The following CRLF2 variants were observed in gnomAD, a reference collection of about 807,000 sequenced individuals.
CRLF2 encodes cytokine receptor-like factor 2.
Under a neutral mutation model 38.7 loss-of-function variants are expected in CRLF2, and 41 were observed. The ratio of observed to expected loss-of-function variants is 1.06; its 90% CI spans 0.83 to 1.37. CRLF2 has a LOEUF of 1.37. Among genes scored for constraint, CRLF2 ranks in the 40% most tolerant of loss-of-function variants. The pLI is 0.00. For missense variants in CRLF2, 377 were observed against 322.2 expected (o/e 1.17, Z -1.30); for synonymous variants, 140 against 128.8 (o/e 1.09, Z -0.59).
chrX:1,212,519 C>G (rs1292768489), intron 1 of CRLF2, 37 bp downstream of exon 1: 5 of 1,533,812 alleles, frequency 3.3e-6, no homozygotes, highest in South Asian at 1.1e-5. Flanking sequence ...AAACCACAAA[C>G]CAAAATACAA....
chrX:1,206,039 A>C (rs2086685263), intron 3 of CRLF2, among the ~76,000 whole-genome samples: 1 of 151,950 alleles, frequency 6.6e-6, no homozygotes, highest in African/African-American at 2.4e-5. Flanking sequence ...GACTATCATG[A>C]GATTGCTTTT....
chrX:1,209,122 C>A (rs1176585551), intron 1 of CRLF2, among the ~76,000 whole-genome samples: 1 of 151,444 alleles, frequency 6.6e-6, no homozygotes, highest in Non-Finnish European at 1.5e-5. Context: ...CACCTGTCAC[C>A]ACACCTGGCT....
intron 5 of CRLF2, among the ~76,000 whole-genome samples, chrX:1,198,183 CCCAG>C (rs1434851648): frequency 2.6e-4 from 23 of 88,012 alleles, no homozygotes; most frequent in East Asian, 1.3e-3. Context: ...CCTCCCACCT[CCCAG>C]GAAGGCAGGA....
chrX:1,212,499 G>T, intron 1 of CRLF2, 57 bp downstream of exon 1: 1 of 1,207,952 alleles, frequency 8.3e-7, no homozygotes, highest in Non-Finnish European at 1.2e-6. Context: ...AGAGTGCCTG[G>T]TTGCAAAGCA....
intron 7 of CRLF2, among the ~76,000 whole-genome samples, chrX:1,191,825 C>G (rs2086386144): frequency 6.6e-6 from 1 of 152,016 alleles, no homozygotes; most frequent in African/African-American, 2.4e-5. Flanking sequence ...GCCACCGTGC[C>G]TGGCCCCCAA....
At chrX:1,201,870 A>T (rs181847881) in intron 4 of CRLF2, among the ~76,000 whole-genome samples, 1 of 151,998 alleles carries the variant, frequency 6.6e-6, no homozygotes, top group Non-Finnish European at 1.5e-5. Context: ...TAGAAGATTG[A>T]CCATACATAG....
chrX:1,206,667 G>T, intron 2 of CRLF2, 68 bp from the exon 3 acceptor site: 2 of 1,491,934 alleles, frequency 1.3e-6, no homozygotes, highest in Non-Finnish European at 9.3e-7. Flanking sequence ...TTAGAGATGG[G>T]GTCTTGCTCT....
intron 7 of CRLF2, among the ~76,000 whole-genome samples, chrX:1,192,121 C>T (rs1167313221): frequency 7.2e-5 from 10 of 137,936 alleles, no homozygotes; most frequent in Middle Eastern, 3.9e-3. Context: ...AGGAGAATGG[C>T]GTGAACCCGG....
In CRLF2 at chrX:1,202,167, TAGAC is replaced by T. The variant is rs368037067; in HGVS notation, c.483+231_483+234del. 4.0e-4 allele frequency among the ~76,000 whole-genome samples: 61 copies of T among 152,118 alleles called. 1 individual carries two copies. Among genetic ancestry groups the T allele is most frequent in the Middle Eastern group, 3.4e-3 (1 of 294 alleles). The stretch of plus-strand genomic sequence containing the variant: ...ATAGATAGATAGATAAATAGATTGA[TAGAC>T]AGACAGACAGACATATTATTGGTTC... On this transcript the variant is annotated intron_variant, in intron 4 of 7. Transcript: ENST00000400841.
At chrX:1,195,988 A>T (rs1476703489) in intron 6 of CRLF2, among the ~76,000 whole-genome samples, 4 of 138,300 alleles carry the variant, frequency 2.9e-5, no homozygotes, top group South Asian at 2.2e-4. Flanking sequence ...ATATATTTTT[A>T]TATATTTATA....
At chrX:1,191,340 T>TC (rs1484172170) in intron 7 of CRLF2, among the ~76,000 whole-genome samples, 180 bp from the exon 8 acceptor site, 2,086 of 112,944 alleles carry the variant, frequency 0.018, 42 homozygotes, top group Middle Eastern at 0.03. Flanking sequence ...TTTCTTTCTT[T>TC]CTTTCCTTCT....
chrX:1,209,401 G>C (rs1412763199), intron 1 of CRLF2, among the ~76,000 whole-genome samples: 1 of 151,142 alleles, frequency 6.6e-6, no homozygotes, highest in Admixed American at 6.6e-5. Context: ...GCGCAATCTC[G>C]GCTCACTGCA....
chrX:1,191,646 C>G lies in CRLF2; in HGVS notation c.853-486G>C, dbSNP rs1279577955. Reference sequence around the variant, plus strand: ...TACCCGGTTCAAGCGATTCTCCTGCCTCAGCCTCCTGAGTAGCTGGGATTA... The same window carrying G: ...TACCCGGTTCAAGCGATTCTCCTGCGTCAGCCTCCTGAGTAGCTGGGATTA... On this transcript the variant is annotated intron_variant, in intron 7 of 7. Transcript: ENST00000400841. 1.7e-3 allele frequency among the ~76,000 whole-genome samples: 257 copies of G among 151,746 alleles called. 2 individuals are homozygous for G. Among genetic ancestry groups the G allele is most frequent in the African/African-American group, 5.2e-3 (217 of 41,448 alleles).
intron 6 of CRLF2, among the ~76,000 whole-genome samples, chrX:1,193,800 A>AT (rs1387263606): frequency 3.4e-5 from 5 of 148,206 alleles, no homozygotes; most frequent in African/African-American, 1.2e-4. Context: ...AAAAAAAAAA[A>AT]AAATACAAAA....
rs2086358327 is a variant in CRLF2 at position 1,190,566 on chromosome X, G to C, written c.*331C>G. The C allele has an allele frequency of 3.1e-6, 1 of 321,502 alleles. No homozygotes were observed. The highest frequency in any genetic ancestry group is 5.7e-6 in the Non-Finnish European group (1 of 176,970). The allele number at this position is 321,502 out of a possible 1,614,324, so 19.9% of individuals were successfully genotyped here. On this transcript the variant is annotated 3_prime_UTR_variant, in exon 8 of 8. Coordinates refer to ENST00000400841, the MANE Select transcript of CRLF2 (RefSeq NM_022148.4). ...ACATGGACGGAACTGGGGACTCACA[G>C]AGTGGGAAGATGGTTTTACAGCATT...
At chrX:1,192,805 T>C (rs1354777406) in intron 7 of CRLF2, among the ~76,000 whole-genome samples, 1 of 147,994 alleles carries the variant, frequency 6.8e-6, no homozygotes, top group African/African-American at 2.5e-5. Context: ...CCTCCTTCCT[T>C]CCCTTCCTTC....
At chrX:1,211,712 G>T (rs1214351150) in intron 1 of CRLF2, among the ~76,000 whole-genome samples, 1 of 113,232 alleles carries the variant, frequency 8.8e-6, no homozygotes, top group Non-Finnish European at 1.8e-5. Context: ...TGGATGGATG[G>T]GTGGATGGGT....
At chrX:1,194,331 A>G (rs1289060354) in intron 6 of CRLF2, among the ~76,000 whole-genome samples, 94,722 of 150,736 alleles carry the variant, frequency 0.63, 29,950 homozygotes, top group East Asian at 0.83. Context: ...GTGTGGTGGC[A>G]GATGCCTGTA....
At chrX:1,209,446 C>T (rs2086755134) in intron 1 of CRLF2, among the ~76,000 whole-genome samples, 1 of 151,862 alleles carries the variant, frequency 6.6e-6, no homozygotes, top group Non-Finnish European at 1.5e-5. Flanking sequence ...ATTCTCCTGC[C>T]TCAGCCTCCC....
Sources: gnomAD v4.1 joint callset for allele counts (sites outside exome capture counted in the v4.1 genomes callset) on GRCh38, gnomAD v4.1.1 for gene constraint, MANE v1.5 for transcripts, NCBI Gene and HGNC (gene_info 2026-07-23, HGNC 2026-07-21) for gene names.